Variants in KRT86 observed in about 807,000 individuals in gnomAD.
The protein encoded by KRT86 is keratin, type II cuticular Hb6.
A neutral mutation model predicts 41.2 loss-of-function variants in KRT86; 30 were observed. The ratio of observed to expected loss-of-function variants is 0.73; its 90% CI spans 0.54 to 0.99. KRT86 has a LOEUF of 0.99. Ranked by LOEUF, KRT86 falls within the 50% of genes least tolerant of loss-of-function variation. The pLI is 0.00. For missense variants in KRT86, 561 were observed against 571.4 expected (o/e 0.98, Z 0.19); for synonymous variants, 238 against 238.1 (o/e 1.00, Z 0.00).
At chr12:52,288,298 C>T (rs1354476580) in intron 2 of KRT86, 116 of 1,610,136 alleles carry the variant, frequency 7.2e-5, no homozygotes, top group Non-Finnish European at 9.3e-5. Flanking sequence ...CTGTCCAACA[C>T]TCCCACCCCC....
chr12:52,301,290 A>G lies in KRT86; in HGVS notation c.-4-623A>G, dbSNP rs146679001. 2.0e-3 allele frequency among the ~76,000 whole-genome samples: 311 copies of G among 152,084 alleles called. 1 individual carries two copies. Among genetic ancestry groups the G allele is most frequent in the African/African-American group, 7.3e-3 (301 of 41,456 alleles). On this transcript the variant is annotated intron_variant, in intron 2 of 10. Coordinates refer to ENST00000423955, the MANE Select transcript of KRT86 (RefSeq NM_001320198.2). ...AAAAAACATGTTGATAGGTATAGAT[A>G]AGGGATTTGGGAGTAGGTGTGGAGG...
chr12:52,278,588 C>A (rs901936605), intron 2 of KRT86, among the ~76,000 whole-genome samples: 1 of 151,948 alleles, frequency 6.6e-6, no homozygotes, highest in Non-Finnish European at 1.5e-5. Context: ...GAGTGTGTGT[C>A]CTGGGGAATG....
rs761263355 is a variant in KRT86, at chr12:52,288,474, G to C, written c.-5+12528G>C. On this transcript the variant is annotated intron_variant, in intron 2 of 10. Transcript: ENST00000423955. The stretch of plus-strand genomic sequence containing the variant: ...TCCACATCCTGGAAAGGTGGGGAGT[G>C]TTGGAGCTCAAGGACCCTGGTGATC... 4.3e-6 allele frequency: 7 copies of C among 1,613,856 alleles called. No individual in the cohort carries two copies. The South Asian group carries it at 4.4e-5, about 10-fold the overall frequency.
chr12:52,305,957 G>A (rs139424364), intron 8 of KRT86, 103 bp from the exon 9 acceptor site: 4 of 1,572,214 alleles, frequency 2.5e-6, no homozygotes, highest in East Asian at 4.6e-5. Flanking sequence ...AAGAGGCTCT[G>A]TTCTGGGGTG....
At chr12:52,286,209 G>T (rs757018912) in intron 2 of KRT86, 2 of 1,497,256 alleles carry the variant, frequency 1.3e-6, no homozygotes, top group South Asian at 2.4e-5. Flanking sequence ...GCCAAGCAAG[G>T]CAGGGCAGGA....
chr12:52,287,568 T>C, intron 2 of KRT86: 1 of 1,613,940 alleles, frequency 6.2e-7, no homozygotes, highest in Non-Finnish European at 8.5e-7. Context: ...CCTCGGTCTC[T>C]CTGACCTTGC....
chr12:52,295,171 T>C (rs1938220212), intron 2 of KRT86, among the ~76,000 whole-genome samples: 1 of 152,218 alleles, frequency 6.6e-6, no homozygotes, highest in African/African-American at 2.4e-5. Context: ...TGTAGAAAGC[T>C]ATTTTATGAC....
chr12:52,305,854 G>T, intron 8 of KRT86, 66 bp downstream of exon 8: 1 of 1,613,486 alleles, frequency 6.2e-7, no homozygotes, highest in East Asian at 2.2e-5. Flanking sequence ...CAGCCTATGT[G>T]TGCCCTATCT....
At chr12:52,288,419 T>C in intron 2 of KRT86, 1 of 1,614,158 alleles carries the variant, frequency 6.2e-7, no homozygotes, top group Non-Finnish European at 8.5e-7. Flanking sequence ...CACGTTGGCC[T>C]CCAGGTCTGA....
At chr12:52,297,828 TG>T (rs1938284458) in intron 2 of KRT86, among the ~76,000 whole-genome samples, 1 of 152,252 alleles carries the variant, frequency 6.6e-6, no homozygotes. Context: ...AACTTCCATT[TG>T]TCCATCTGCA....
intron 6 of KRT86, 86 bp downstream of exon 6, chr12:52,305,113 G>T: frequency 6.2e-7 from 1 of 1,605,938 alleles, no homozygotes. Context: ...TGTGGGTAGA[G>T]GTTGCAGTCC....
At chr12:52,288,585 C>A (rs929907558) in intron 2 of KRT86, 2 of 1,115,140 alleles carry the variant, frequency 1.8e-6, no homozygotes, top group Non-Finnish European at 2.8e-6. Flanking sequence ...TGCCTTTCCT[C>A]CCCTTCTGCC....
At chr12:52,287,344 A>G in intron 2 of KRT86, 1 of 1,613,744 alleles carries the variant, frequency 6.2e-7, no homozygotes, top group South Asian at 1.1e-5. Context: ...AGAAAGAACA[A>G]GGTAGATTAG....
intron 2 of KRT86, among the ~76,000 whole-genome samples, chr12:52,288,610 C>G (rs895873170): frequency 6.6e-6 from 1 of 152,132 alleles, no homozygotes; most frequent in Non-Finnish European, 1.5e-5. Flanking sequence ...CTGGGATGAG[C>G]TGGCATCCTC....
intron 2 of KRT86, among the ~76,000 whole-genome samples, chr12:52,298,665 C>T (rs905605517): frequency 6.6e-6 from 1 of 152,186 alleles, no homozygotes; most frequent in African/African-American, 2.4e-5. Context: ...AAATGAGGTA[C>T]ATAGAGGCTA....
intron 2 of KRT86, among the ~76,000 whole-genome samples, chr12:52,292,656 CTTCT>C (rs1345583364): frequency 7.0e-6 from 1 of 143,832 alleles, no homozygotes; most frequent in African/African-American, 2.6e-5. Flanking sequence ...ATAAAGAACA[CTTCT>C]TTATTATTTA....
At chr12:52,299,176 C>T (rs571005486) in intron 2 of KRT86, among the ~76,000 whole-genome samples, 12 of 152,286 alleles carry the variant, frequency 7.9e-5, no homozygotes, top group African/African-American at 2.6e-4. Flanking sequence ...TTTTAGCTCT[C>T]GCATATGTGT....
intron 9 of KRT86, chr12:52,306,482 G>A (rs958937841): frequency 2.6e-6 from 2 of 757,642 alleles, no homozygotes; most frequent in Non-Finnish European, 4.2e-6. Flanking sequence ...TGAGATTGCA[G>A]TCTTGTTCAT....
chr12:52,295,583 G>A (rs1158001029), intron 2 of KRT86, among the ~76,000 whole-genome samples: 1 of 152,184 alleles, frequency 6.6e-6, no homozygotes, highest in African/African-American at 2.4e-5. Context: ...GGGCCAGAGA[G>A]TATAGGAGAG....
Sources: gnomAD v4.1 joint callset for allele counts (sites outside exome capture counted in the v4.1 genomes callset) on GRCh38, gnomAD v4.1.1 for gene constraint, MANE v1.5 for transcripts, NCBI Gene and HGNC (gene_info 2026-07-23, HGNC 2026-07-21) for gene names.